Variants in GLI2 observed in about 807,000 individuals in gnomAD.
The protein encoded by GLI2 is GLI family zinc finger 2, also known as transcription activator GLI2.
A neutral mutation model predicts 78.9 loss-of-function variants in GLI2; 22 were observed. The observed-to-expected ratio is 0.28, with a 90% CI of 0.20 to 0.40. GLI2 has a LOEUF of 0.40. Among genes scored for constraint, GLI2 ranks in the 10% least tolerant of loss-of-function variants. The probability of loss-of-function intolerance (pLI) is 1.00; values close to 1 mark genes in which losing one functional copy is unlikely to be tolerated. For synonymous variants in GLI2, 974 were observed against 963.7 expected (o/e 1.01, Z -0.20); for missense variants, 2,097 against 2,213.2 (o/e 0.95, Z 1.05).
intron 3 of GLI2, among the ~76,000 whole-genome samples, chr2:120,946,101 G>A (rs1469028271): frequency 6.6e-6 from 1 of 152,096 alleles, no homozygotes; most frequent in East Asian, 1.9e-4. Context: ...CACCTTCTCT[G>A]AGAAGCCTTC....
At chr2:120,862,930 A>T (rs1370792497) in intron 2 of GLI2, among the ~76,000 whole-genome samples, 1 of 152,190 alleles carries the variant, frequency 6.6e-6, no homozygotes, top group African/African-American at 2.4e-5. Context: ...CTGGCTCCCC[A>T]GTCGGAGGGA....
At chr2:120,912,595 A>T (rs1573587183) in intron 2 of GLI2, among the ~76,000 whole-genome samples, 1 of 152,256 alleles carries the variant, frequency 6.6e-6, no homozygotes, top group Admixed American at 6.5e-5. Context: ...TCCAACCATC[A>T]TTCAGTTAAC....
chr2:120,786,348 T>G (rs2104677134), intron 1 of GLI2, among the ~76,000 whole-genome samples: 1 of 152,276 alleles, frequency 6.6e-6, no homozygotes, highest in East Asian at 1.9e-4. Context: ...GATTTGTCCT[T>G]GATCTGCAGA....
chr2:120,903,753 GAC>G (rs1678379840), intron 2 of GLI2, among the ~76,000 whole-genome samples: 1 of 152,218 alleles, frequency 6.6e-6, no homozygotes, highest in South Asian at 2.1e-4. Context: ...ACAGCCAAGT[GAC>G]AAGCAGCCTT....
chr2:120,886,322 T>A (rs983514236), intron 2 of GLI2, among the ~76,000 whole-genome samples: 6 of 152,012 alleles, frequency 3.9e-5, no homozygotes, highest in African/African-American at 1.5e-4. Flanking sequence ...TGGAGTGCAG[T>A]GTCATTGATC....
intron 3 of GLI2, among the ~76,000 whole-genome samples, chr2:120,947,410 G>A (rs1031771915): frequency 2.0e-5 from 3 of 152,212 alleles, no homozygotes; most frequent in Non-Finnish European, 4.4e-5. Context: ...CCCACCGATG[G>A]CTGGCACACA....
chr2:120,859,185 TGGGAGAG>T (rs1261584264), intron 2 of GLI2, among the ~76,000 whole-genome samples: 1 of 152,236 alleles, frequency 6.6e-6, no homozygotes, highest in Non-Finnish European at 1.5e-5. Context: ...ATGTCAGGGA[TGGGAGAG>T]GCCTTTGTCG....
chr2:120,951,202 C>G (rs762680489), intron 3 of GLI2, 41 bp from the exon 4 acceptor site: 1 of 1,194,368 alleles, frequency 8.4e-7, no homozygotes, highest in East Asian at 2.3e-5. Context: ...GGGGTTCCCT[C>G]TGTGTCCTCC....
At position 120,786,474 on chromosome 2, in the gene GLI2, G is replaced by A. The variant is rs149515991; in HGVS notation, c.-30-10817G>A. 8.2e-3 allele frequency among the ~76,000 whole-genome samples: 302 copies of A among 36,816 alleles called. 1 individual carries two copies. Among genetic ancestry groups the A allele is most frequent in the African/African-American group, 0.028 (279 of 9,932 alleles). 24.2% of individuals were successfully genotyped at this position (36,816 alleles called of 152,430 possible). ...TACCACCCCCACCCTCCAACCCCCC[G>A]CCCAACCTGCAATTCCACTGAGAAA... On this transcript the variant is annotated intron_variant, in intron 1 of 13. Transcript: ENST00000361492.
intron 3 of GLI2, among the ~76,000 whole-genome samples, chr2:120,947,612 A>G (rs1365509924): frequency 6.6e-6 from 1 of 152,070 alleles, no homozygotes; most frequent in Non-Finnish European, 1.5e-5. Context: ...CTATATTCCA[A>G]ATTGGCTTGT....
rs1179306576 is a variant in GLI2, at chr2:120,992,647, T to C, written c.*1972T>C. 6.6e-6 allele frequency: 1 copy of C among 152,230 alleles called. No individual in the cohort carries two copies. The highest frequency in any genetic ancestry group is 6.5e-5 in the Admixed American group (1 of 15,292). 9.4% of individuals were successfully genotyped at this position (152,230 alleles called of 1,614,324 possible). On this transcript the variant is annotated 3_prime_UTR_variant, in exon 14 of 14. Transcript: ENST00000361492. ...GCCTTTGCCAAGAAATGTTTAATGC[T>C]GAGGCATTTACTGGCTGTTTGTTTG...
intron 2 of GLI2, among the ~76,000 whole-genome samples, chr2:120,901,209 C>CTG (rs1678237133): frequency 6.6e-6 from 1 of 152,180 alleles, no homozygotes; most frequent in Admixed American, 6.5e-5. Flanking sequence ...AGGGAAGTCA[C>CTG]TGTGTGTGTG....
chr2:120,777,976 G>A (rs1271792134), intron 1 of GLI2, among the ~76,000 whole-genome samples: 1 of 152,094 alleles, frequency 6.6e-6, no homozygotes, highest in African/African-American at 2.4e-5. Context: ...TGGGGGGCAG[G>A]CAGCCCCCAC....
At chr2:120,967,249 A>G (rs762114286) in intron 5 of GLI2, among the ~76,000 whole-genome samples, 4 of 152,244 alleles carry the variant, frequency 2.6e-5, no homozygotes, top group Admixed American at 1.3e-4. Context: ...AGTCAAGGAC[A>G]GGCCCAAGCA....
intron 2 of GLI2, among the ~76,000 whole-genome samples, chr2:120,868,843 G>A (rs373317486): frequency 6.6e-6 from 1 of 152,200 alleles, no homozygotes; most frequent in South Asian, 2.1e-4. Flanking sequence ...CAAGGAGAAC[G>A]TGTGGCATCT....
chr2:120,796,731 C>T (rs896351279), intron 1 of GLI2, among the ~76,000 whole-genome samples: 7 of 152,216 alleles, frequency 4.6e-5, no homozygotes, highest in East Asian at 3.8e-4. Context: ...TTGTATCTTC[C>T]GCACCAGGCA....
At chr2:120,843,573 G>A (rs1460705283) in intron 2 of GLI2, among the ~76,000 whole-genome samples, 1 of 152,222 alleles carries the variant, frequency 6.6e-6, no homozygotes, top group Non-Finnish European at 1.5e-5. Context: ...CCCCGCTTTG[G>A]TTAAGGTCTG....
intron 1 of GLI2, among the ~76,000 whole-genome samples, chr2:120,739,072 G>A (rs967724239): frequency 1.3e-4 from 20 of 152,160 alleles, no homozygotes; most frequent in Admixed American, 9.2e-4. Flanking sequence ...GCCTGGCTGC[G>A]GGGGTCTTGG....
At chr2:120,768,602 C>T (rs1474872171) in intron 1 of GLI2, among the ~76,000 whole-genome samples, 1 of 152,214 alleles carries the variant, frequency 6.6e-6, no homozygotes, top group Non-Finnish European at 1.5e-5. Context: ...GAGCTTGTCT[C>T]CTCAACTATG....
Sources: allele counts gnomAD v4.1 joint callset (sites outside exome capture counted in the v4.1 genomes callset), GRCh38; gene constraint gnomAD v4.1.1; transcripts MANE v1.5; gene names NCBI Gene and HGNC (gene_info 2026-07-23, HGNC 2026-07-21).